GRM8: variants seen among roughly 807,000 people sequenced by gnomAD.
The protein encoded by GRM8 is metabotropic glutamate receptor 8.
Under a neutral mutation model 87.2 loss-of-function variants are expected in GRM8, and 47 were observed. The ratio of observed to expected loss-of-function variants is 0.54; its 90% CI spans 0.43 to 0.69. The LOEUF is 0.69. Among genes scored for constraint, GRM8 ranks in the 30% least tolerant of loss-of-function variants. The pLI is 0.00. For synonymous variants in GRM8, 396 were observed against 404.5 expected (o/e 0.98, Z 0.25); for missense variants, 1,019 against 1,139.2 (o/e 0.89, Z 1.52).
At chr7:126,643,556 G>A (rs984448302) in intron 7 of GRM8, among the ~76,000 whole-genome samples, 2 of 151,656 alleles carry the variant, frequency 1.3e-5, no homozygotes, top group Admixed American at 6.6e-5. Context: ...GCATGCGAAA[G>A]GATAATTAAA....
At chr7:126,684,117 T>C (rs549215124) in intron 7 of GRM8, among the ~76,000 whole-genome samples, 1 of 152,090 alleles carries the variant, frequency 6.6e-6, no homozygotes, top group South Asian at 2.1e-4. Flanking sequence ...GGGAAATAAA[T>C]GGAAGGAAGA....
intron 3 of GRM8, among the ~76,000 whole-genome samples, chr7:127,001,303 A>G (rs2132033038): frequency 6.6e-6 from 1 of 151,758 alleles, no homozygotes; most frequent in East Asian, 1.9e-4. Context: ...AAAGGAGAAA[A>G]CTTTGCAAAA....
intron 8 of GRM8, among the ~76,000 whole-genome samples, chr7:126,601,925 T>G: frequency 7.2e-6 from 1 of 137,966 alleles, no homozygotes; most frequent in East Asian, 2.2e-4. Context: ...GTGCAGAAGC[T>G]CTTTAGTTTA....
intron 8 of GRM8, among the ~76,000 whole-genome samples, chr7:126,534,531 GT>G (rs202207433): frequency 4.0e-5 from 6 of 151,678 alleles, no homozygotes; most frequent in Admixed American, 2.6e-4. Context: ...TGATGGTAAT[GT>G]TTTTTTTACT....
chr7:126,717,410 C>T (rs941248611), intron 7 of GRM8, among the ~76,000 whole-genome samples: 4 of 152,048 alleles, frequency 2.6e-5, no homozygotes, highest in African/African-American at 4.8e-5. Context: ...TGGGAGTAAG[C>T]GGGCTCACCA....
At chr7:126,950,919 TC>T (rs1808070444) in intron 3 of GRM8, among the ~76,000 whole-genome samples, 2 of 132,568 alleles carry the variant, frequency 1.5e-5, no homozygotes, top group South Asian at 4.9e-4. Flanking sequence ...TTTGTCCAAG[TC>T]TTTTTTTTTT....
chr7:126,616,999 A>T (rs1188365265), intron 7 of GRM8, among the ~76,000 whole-genome samples: 1 of 152,210 alleles, frequency 6.6e-6, no homozygotes, highest in Non-Finnish European at 1.5e-5. Context: ...CAATAGAAAA[A>T]GAGGGAATCC....
intron 6 of GRM8, among the ~76,000 whole-genome samples, chr7:126,828,815 T>C (rs1795071742): frequency 6.6e-6 from 1 of 152,238 alleles, no homozygotes; most frequent in African/African-American, 2.4e-5. Context: ...TTTGGGCTTT[T>C]AGTGCTTTCT....
At chr7:127,004,804 C>T (rs1418271897) in intron 3 of GRM8, among the ~76,000 whole-genome samples, 1 of 151,502 alleles carries the variant, frequency 6.6e-6, no homozygotes, top group Non-Finnish European at 1.5e-5. Context: ...TCTGGACTTT[C>T]CTCTATTGCT....
At chr7:126,736,360 T>C (rs972903756) in intron 7 of GRM8, among the ~76,000 whole-genome samples, 1 of 152,082 alleles carries the variant, frequency 6.6e-6, no homozygotes, top group Non-Finnish European at 1.5e-5. Context: ...GAAAGAGGGA[T>C]CAAACCTGCT....
chr7:126,858,085 A>G (rs970121809), intron 6 of GRM8, among the ~76,000 whole-genome samples: 7 of 152,106 alleles, frequency 4.6e-5, no homozygotes, highest in Non-Finnish European at 7.4e-5. Flanking sequence ...AACCCCATTC[A>G]CCCAGTTATT....
intron 3 of GRM8, among the ~76,000 whole-genome samples, chr7:127,067,466 C>T (rs1187071111): frequency 6.6e-6 from 1 of 152,148 alleles, no homozygotes; most frequent in Admixed American, 6.5e-5. Flanking sequence ...AGGAGACTTG[C>T]CTTGCTGTAA....
chr7:127,232,183 T>TTGTGTGTGTGTGTGTG (rs71529431), intron 2 of GRM8, among the ~76,000 whole-genome samples: 153 of 129,772 alleles, frequency 1.2e-3, no homozygotes, highest in Middle Eastern at 3.9e-3. Flanking sequence ...TGTTTCTTCT[T>TTGTGTGTGTGTGTGTG]TGTGTGTGTG....
intron 6 of GRM8, among the ~76,000 whole-genome samples, chr7:126,858,579 A>C (rs1486641863): frequency 6.6e-6 from 1 of 152,214 alleles, no homozygotes; most frequent in Non-Finnish European, 1.5e-5. Context: ...TTCTGTCACC[A>C]AACAACCAAT....
chr7:126,524,412 A>G (rs1813512116), intron 9 of GRM8, among the ~76,000 whole-genome samples: 1 of 152,246 alleles, frequency 6.6e-6, no homozygotes, highest in African/African-American at 2.4e-5. Context: ...AAGGAGGCAC[A>G]TGAGATCTGA....
intron 9 of GRM8, among the ~76,000 whole-genome samples, chr7:126,449,539 C>T (rs1802389810): frequency 6.6e-6 from 1 of 151,740 alleles, no homozygotes; most frequent in Admixed American, 6.6e-5. Context: ...TTATTCAAAC[C>T]AGTTTTGTTT....
intron 8 of GRM8, among the ~76,000 whole-genome samples, chr7:126,583,358 C>CAG (rs1795797068): frequency 6.6e-6 from 1 of 151,522 alleles, no homozygotes; most frequent in Non-Finnish European, 1.5e-5. Context: ...CTCTGTCTCA[C>CAG]ACACACACAC....
intron 3 of GRM8, among the ~76,000 whole-genome samples, chr7:126,926,226 A>C (rs1586480867): frequency 6.6e-6 from 1 of 152,290 alleles, no homozygotes; most frequent in East Asian, 1.9e-4. Context: ...TAAAATTTTA[A>C]ATTATAGCTC....
intron 7 of GRM8, among the ~76,000 whole-genome samples, chr7:126,701,541 T>G (rs1809931381): frequency 6.6e-6 from 1 of 152,154 alleles, no homozygotes; most frequent in African/African-American, 2.4e-5. Flanking sequence ...TAAAAATCTG[T>G]TTCTAGTAAA....
Sources: gnomAD v4.1 joint callset for allele counts (sites outside exome capture counted in the v4.1 genomes callset) on GRCh38, gnomAD v4.1.1 for gene constraint, MANE v1.5 for transcripts, NCBI Gene and HGNC (gene_info 2026-07-23, HGNC 2026-07-21) for gene names.